MATN2: variants seen among roughly 807,000 people sequenced by gnomAD.
MATN2 encodes the protein matrilin-2.
A neutral mutation model predicts 103.2 loss-of-function variants in MATN2; 69 were observed. That is an observed-to-expected ratio of 0.67 (90% CI 0.55 to 0.82). The LOEUF (loss-of-function observed/expected upper bound fraction) is 0.82, where lower values mean the gene tolerates loss of function less well. Ranked by LOEUF, MATN2 falls within the 40% of genes least tolerant of loss-of-function variation. The pLI, the probability that MATN2 is intolerant of heterozygous loss-of-function variation, is 0.00. For synonymous variants in MATN2, 429 were observed against 450.2 expected, an observed-to-expected ratio of 0.95 and a Z score of 0.60; for missense variants, 1,023 against 1,211.5, an observed-to-expected ratio of 0.84 and a Z score of 2.31.
At chr8:98,022,357 GCACACA>G (rs34090534) in intron 13 of MATN2, among the ~76,000 whole-genome samples, 17 of 150,576 alleles carry the variant, frequency 1.1e-4, no homozygotes, top group South Asian at 4.2e-4. Flanking sequence ...ATACCCTTAT[GCACACA>G]CACACACACA....
intron 13 of MATN2, among the ~76,000 whole-genome samples, chr8:98,024,520 C>CAACAA (rs1263333889): frequency 6.6e-6 from 1 of 152,046 alleles, no homozygotes; most frequent in African/African-American, 2.4e-5. Context: ...ACAACAACAA[C>CAACAA]AACAACAAAC....
chr8:97,992,928 C>CAATAAT (rs58706549), intron 6 of MATN2, among the ~76,000 whole-genome samples: 21,122 of 144,456 alleles, frequency 0.15, 1,900 homozygotes, highest in Middle Eastern at 0.23. Context: ...TCAAAACAAA[C>CAATAAT]AATAATAATA....
At chr8:97,927,317 A>G (rs959466700) in intron 2 of MATN2, among the ~76,000 whole-genome samples, 2 of 73,216 alleles carry the variant, frequency 2.7e-5, no homozygotes, top group Non-Finnish European at 5.5e-5. Flanking sequence ...CTAATTTTGT[A>G]TTATTATTAT....
chr8:97,957,991 AG>A (rs1811192909), intron 4 of MATN2, among the ~76,000 whole-genome samples: 1 of 152,214 alleles, frequency 6.6e-6, no homozygotes, highest in Non-Finnish European at 1.5e-5. Flanking sequence ...CTGTCCTGAA[AG>A]GAACAAGCAT....
intron 5 of MATN2, among the ~76,000 whole-genome samples, chr8:97,977,339 T>C (rs1237419756): frequency 1.3e-5 from 2 of 151,784 alleles, no homozygotes; most frequent in Admixed American, 1.3e-4. Context: ...ACAGATCTCT[T>C]CTTATAAGAA....
intron 5 of MATN2, among the ~76,000 whole-genome samples, chr8:97,975,917 A>G (rs1811821279): frequency 6.6e-6 from 1 of 152,138 alleles, no homozygotes. Flanking sequence ...GAGAAATGAG[A>G]AATGAACTAT....
intron 1 of MATN2, 100 bp from the exon 2 acceptor site, chr8:97,887,975 T>C (rs78126104): frequency 2.6e-6 from 3 of 1,171,528 alleles, no homozygotes; most frequent in East Asian, 2.7e-5. Context: ...AGTGGTCTGT[T>C]TGAACTCTGA....
At chr8:98,029,118 G>A (rs1383131417) in intron 14 of MATN2, among the ~76,000 whole-genome samples, 1 of 152,160 alleles carries the variant, frequency 6.6e-6, no homozygotes, top group African/African-American at 2.4e-5. Context: ...CAGAAAGGCT[G>A]GTTCACATCG....
At chr8:97,933,704 G>T (rs553721802) in intron 3 of MATN2, among the ~76,000 whole-genome samples, 1 of 151,978 alleles carries the variant, frequency 6.6e-6, no homozygotes, top group Non-Finnish European at 1.5e-5. Context: ...GCGTTATCCC[G>T]CTTGTTCCTG....
intron 2 of MATN2, among the ~76,000 whole-genome samples, chr8:97,921,875 G>A (rs2444906): frequency 0.23 from 34,430 of 152,148 alleles, 4,462 homozygotes; most frequent in Non-Finnish European, 0.28. Context: ...ACCCCATGCT[G>A]TGGACCGATC....
chr8:97,957,102 G>C (rs755457426), intron 4 of MATN2, among the ~76,000 whole-genome samples: 68 of 152,210 alleles, frequency 4.5e-4, no homozygotes, highest in Non-Finnish European at 8.5e-4. Flanking sequence ...CTATAGTGCT[G>C]TGGGGGCCCA....
intron 2 of MATN2, among the ~76,000 whole-genome samples, chr8:97,913,873 C>T (rs1348925344): frequency 6.6e-6 from 1 of 152,212 alleles, no homozygotes; most frequent in Non-Finnish European, 1.5e-5. Context: ...CCTTGGCCTT[C>T]TAAAGTGCTG....
In MATN2 at chr8:97,931,086, T is replaced by G. The variant is rs779295127; in HGVS notation, c.276T>G (p.Asp92Glu). 2 of 1,614,050 alleles carry G rather than the reference T, an allele frequency of 1.2e-6. No homozygotes were observed. The highest frequency in any genetic ancestry group is 4.5e-5 in the East Asian group (2 of 44,888). ...TGCAATTCTTGGACATTGGTCCTGA[T>G]GTCACCCGAGTGGGCCTGCTCCAAT... ...DILQFLDIGPDVTRVGLLQYG... is the reference protein window; with the variant it reads ...DILQFLDIGPEVTRVGLLQYG... The change falls in exon 3 of 19, where the codon GAT (aspartate) becomes GAG (glutamate). Residue 92 changes from aspartate to glutamate, a missense_variant. Physicochemically the swap from Asp to Glu is conservative, Grantham distance 45 (BLOSUM62 2). Coordinates refer to ENST00000254898, the MANE Select transcript of MATN2 (RefSeq NM_002380.5). This position sits in a 1 kb window ranked among gnomAD's most constrained non-coding sequence, Gnocchi z 4.1.
Position 97,963,472 on chromosome 8 carries a change from C to A in MATN2, c.958+1942C>A, listed in dbSNP as rs148752397. On this transcript the variant is annotated intron_variant, in intron 5 of 18. Transcript: ENST00000254898. ...GAAAAACCCATTTCTCTGAGTGTTTCCAAATAATTACCTGCTTGTCCGTGT... is the reference window on the plus strand; with the variant it reads ...GAAAAACCCATTTCTCTGAGTGTTTACAAATAATTACCTGCTTGTCCGTGT... Among the ~76,000 whole-genome samples the A allele has an allele frequency of 2.8e-3, 427 of 152,290 alleles. 4 individuals are homozygous for A. The highest frequency in any genetic ancestry group is 9.0e-3 in the African/African-American group (376 of 41,560).
At position 97,947,358 on chromosome 8, in the gene MATN2, G is replaced by A. The variant is rs191289057; in HGVS notation, c.835+5459G>A. ...CACTCCAGCAACAGAGCGAGACTCCGTCTCAAAACAACAACAACAACAAAA... is the reference window on the plus strand; with the variant it reads ...CACTCCAGCAACAGAGCGAGACTCCATCTCAAAACAACAACAACAACAAAA... On this transcript the variant is annotated intron_variant, in intron 4 of 18. Coordinates refer to ENST00000254898, the MANE Select transcript of MATN2 (RefSeq NM_002380.5). 5.3e-3 allele frequency among the ~76,000 whole-genome samples: 812 copies of A among 152,064 alleles called. 9 individuals are homozygous for A. Among genetic ancestry groups the A allele is most frequent in the African/African-American group, 0.018 (753 of 41,358 alleles).
At chr8:97,891,142 A>G (rs564342513) in intron 2 of MATN2, among the ~76,000 whole-genome samples, 1 of 152,234 alleles carries the variant, frequency 6.6e-6, no homozygotes, top group South Asian at 2.1e-4. Flanking sequence ...AGACACCATC[A>G]GGAGGTGCAC....
At chr8:97,949,853 C>A (rs1810885944) in intron 4 of MATN2, among the ~76,000 whole-genome samples, 1 of 152,130 alleles carries the variant, frequency 6.6e-6, no homozygotes, top group African/African-American at 2.4e-5. Flanking sequence ...CATGCAGTAG[C>A]CTGGATGCAT....
At chr8:97,898,812 C>T (rs557866107) in intron 2 of MATN2, among the ~76,000 whole-genome samples, 12 of 152,096 alleles carry the variant, frequency 7.9e-5, no homozygotes, top group Non-Finnish European at 1.5e-4. Context: ...TGCAGTGGTG[C>T]GATCATGGCT....
Position 97,982,951 on chromosome 8 carries a change from A to G in MATN2, c.1081+3943A>G, listed in dbSNP as rs763618413. Reference sequence around the variant, plus strand: ...CAGACCACACCCCCTGGCTGGGGTCACCTGATTTCCACCCAGCTGTAACTA... The same window carrying G: ...CAGACCACACCCCCTGGCTGGGGTCGCCTGATTTCCACCCAGCTGTAACTA... On this transcript the variant is annotated intron_variant, in intron 6 of 18. Transcript: ENST00000254898. This position sits in a 1 kb window ranked among gnomAD's most constrained non-coding sequence, Gnocchi z 4.3. 1.4e-4 allele frequency among the ~76,000 whole-genome samples: 22 copies of G among 152,152 alleles called. No individual in the cohort carries two copies. Among genetic ancestry groups the G allele is most frequent in the Non-Finnish European group, 2.9e-4 (20 of 68,024 alleles).
Sources: allele counts gnomAD v4.1 joint callset (sites outside exome capture counted in the v4.1 genomes callset), GRCh38; gene constraint gnomAD v4.1.1; non-coding constraint Gnocchi (gnomAD v3.1); transcripts MANE v1.5; gene names NCBI Gene and HGNC (gene_info 2026-07-23, HGNC 2026-07-21).